Variants in HEATR1 observed in about 807,000 individuals in gnomAD.
HEATR1 encodes HEAT repeat-containing protein 1.
HEATR1 carries 77 observed loss-of-function variants against 248.2 expected under a neutral mutation model. That is an observed-to-expected ratio of 0.31 (90% CI 0.26 to 0.37). The LOEUF (loss-of-function observed/expected upper bound fraction) is 0.37. Among genes scored for constraint, HEATR1 ranks in the 10% least tolerant of loss-of-function variants. The pLI, the probability that HEATR1 is intolerant of heterozygous loss-of-function variation, is 1.00. For missense variants in HEATR1, 2,420 were observed against 2,504.9 expected, an observed-to-expected ratio of 0.97 and a Z score of 0.72; for synonymous variants, 897 against 923.1, an observed-to-expected ratio of 0.97 and a Z score of 0.51.
At chr1:236,553,174 A>C (rs1250143179) in intron 43 of HEATR1, among the ~76,000 whole-genome samples, 1 of 152,190 alleles carries the variant, frequency 6.6e-6, no homozygotes, top group Non-Finnish European at 1.5e-5. Flanking sequence ...ATCTATAAAC[A>C]ACAGAATGTA....
In HEATR1 at chr1:236,599,548, G is replaced by C; in HGVS notation, c.436C>G (p.Arg146Gly). ...LPYHETRIFV[R>G]VIQLLKINNS... ...TTAATTTTTAGAAGCTGTATGACTCGCACAAATATTCTTGTCTCGTGGTAT... is the reference window on the plus strand; with the variant it reads ...TTAATTTTTAGAAGCTGTATGACTCCCACAAATATTCTTGTCTCGTGGTAT... Residue 146 changes from arginine to glycine, a missense_variant, in exon 4 of 45, where the codon CGA becomes GGA. Physicochemically the swap from Arg to Gly is moderately radical, Grantham distance 125 (BLOSUM62 -2). Coordinates refer to ENST00000366582, the MANE Select transcript of HEATR1 (RefSeq NM_018072.6). The C allele has an allele frequency of 6.2e-7, 1 of 1,613,236 alleles. No individual in the cohort carries two copies. The highest frequency in any genetic ancestry group is 8.5e-7 in the Non-Finnish European group (1 of 1,179,452).
chr1:236,561,803 C>T (rs1024374984), intron 32 of HEATR1, among the ~76,000 whole-genome samples: 18 of 152,228 alleles, frequency 1.2e-4, no homozygotes, highest in Non-Finnish European at 2.6e-4. Context: ...ATTTTAACTG[C>T]ATATGATATT....
At chr1:236,567,881 A>G (rs899497636) in intron 29 of HEATR1, among the ~76,000 whole-genome samples, 4 of 152,238 alleles carry the variant, frequency 2.6e-5, no homozygotes, top group Non-Finnish European at 4.4e-5. Flanking sequence ...AGAGCACAGA[A>G]AAGGCCAACA....
rs16833972 is a variant in HEATR1 at position 236,583,211 on chromosome 1, G to C, written c.2242-15C>G. ...GAGGGGATTTCCTGAAATGTTAAAGGAAACAAAAACTAGTACAAACTAAGG... is the reference window on the plus strand; with the variant it reads ...GAGGGGATTTCCTGAAATGTTAAAGCAAACAAAAACTAGTACAAACTAAGG... On this transcript the variant is annotated splice_polypyrimidine_tract_variant and intron_variant, in intron 17 of 44. Transcript: ENST00000366582. 5 of 1,574,142 alleles carry C rather than the reference G, an allele frequency of 3.2e-6. No individual in the cohort carries two copies. The highest frequency in any genetic ancestry group is 4.3e-6 in the Non-Finnish European group (5 of 1,161,854).
intron 29 of HEATR1, among the ~76,000 whole-genome samples, chr1:236,568,359 A>C (rs1331684113): frequency 1.3e-5 from 2 of 152,240 alleles, no homozygotes; most frequent in Non-Finnish European, 2.9e-5. Flanking sequence ...TAAGGTTAAA[A>C]GAAGGTGCTG....
intron 2 of HEATR1, among the ~76,000 whole-genome samples, 155 bp downstream of exon 2, chr1:236,603,799 T>C (rs987122616): frequency 6.6e-6 from 1 of 151,826 alleles, no homozygotes; most frequent in Non-Finnish European, 1.5e-5. Flanking sequence ...CACCTGACTG[T>C]TATGTTCTCT....
intron 43 of HEATR1, chr1:236,552,542 A>G (rs1042310): frequency 0.61 from 94,586 of 154,882 alleles, 29,830 homozygotes; most frequent in Non-Finnish European, 0.69. Context: ...CACCACTATA[A>G]TTGTATGAGG....
chr1:236,583,523 G>A (rs923691546), intron 17 of HEATR1, among the ~76,000 whole-genome samples: 1 of 125,382 alleles, frequency 8.0e-6, no homozygotes, highest in African/African-American at 3.2e-5. Flanking sequence ...GTCTTGCTCT[G>A]TCACCCAGGC....
intron 34 of HEATR1, 142 bp downstream of exon 34, chr1:236,559,572 A>G: frequency 2.9e-6 from 3 of 1,016,980 alleles, no homozygotes; most frequent in Non-Finnish European, 4.2e-6. Flanking sequence ...AGTCATCAAG[A>G]GATTGTTTTC....
In HEATR1 at chr1:236,559,591, AT is replaced by A. The variant is rs1158177429; in HGVS notation, c.4770+122del. 3.3e-5 allele frequency: 40 copies of A among 1,215,278 alleles called. No individual in the cohort carries two copies. In the East Asian group the frequency reaches 9.3e-4, roughly 28 times the overall value. The allele number at this position is 1,215,278 out of a possible 1,614,324, so 75.3% of individuals were successfully genotyped here. ...ATCAAGAGATTGTTTTCTAAGAAAA[AT>A]CTGAGCTTCATTATATTCATAAAAG... On this transcript the variant is annotated intron_variant, in intron 34 of 44. Transcript: ENST00000366582.
chr1:236,590,002 T>C (rs923026963), intron 12 of HEATR1, among the ~76,000 whole-genome samples: 1 of 152,266 alleles, frequency 6.6e-6, no homozygotes, highest in African/African-American at 2.4e-5. Context: ...TGGAAACTAC[T>C]ATTCTATGTG....
At position 236,566,765 on chromosome 1, in the gene HEATR1, G is replaced by A. The variant is rs759055188; in HGVS notation, c.4189C>T (p.Pro1397Ser). 1.6e-4 allele frequency: 256 copies of A among 1,613,960 alleles called. No homozygotes were observed. The highest frequency in any genetic ancestry group is 2.1e-4 in the Non-Finnish European group (243 of 1,179,974). ...LPHVPEHRRL[P>S]ILVQLVDTLG... Reference sequence around the variant, plus strand: ...GTATCAACAAGTTGAACAAGGATGGGCAGGCGCCTGTGCTCCGGGACGTGT... The same window carrying A: ...GTATCAACAAGTTGAACAAGGATGGACAGGCGCCTGTGCTCCGGGACGTGT... Residue 1397 changes from proline to serine, a missense_variant, in exon 30 of 45, where the codon CCC becomes TCC. Physicochemically the swap from Pro to Ser is moderately conservative, Grantham distance 74. Coordinates refer to ENST00000366582, the MANE Select transcript of HEATR1 (RefSeq NM_018072.6).
rs770080121 is a variant in HEATR1 at position 236,576,784 on chromosome 1, A to C, written c.2921T>G (p.Ile974Ser). Residue 974 changes from isoleucine to serine, a missense_variant, in exon 21 of 45, where the codon ATT becomes AGT. Coordinates refer to ENST00000366582, the MANE Select transcript of HEATR1 (RefSeq NM_018072.6). ...CTTCTTTGCTAACGAGCTTACCTGA[A>C]TAACATAGGCAGCATCTGAAGTGAT... ...EEITSDAAYVIQDLATLFEEL... is the reference protein window; with the variant it reads ...EEITSDAAYVSQDLATLFEEL... 5.6e-6 allele frequency: 9 copies of C among 1,609,262 alleles called. No individual in the cohort carries two copies. The highest frequency in any genetic ancestry group is 3.4e-5 in the Admixed American group (2 of 58,962).
In HEATR1 at chr1:236,561,873, C is replaced by T. The variant is rs58495424; in HGVS notation, c.4600-602G>A. On this transcript the variant is annotated intron_variant, in intron 32 of 44. Coordinates refer to ENST00000366582, the MANE Select transcript of HEATR1 (RefSeq NM_018072.6). The stretch of plus-strand genomic sequence containing the variant: ...CTGTTGTTAGATGTTTAGTTTATGT[C>T]CATTTTTTCCCCTTTTACTAATAAT... Among the ~76,000 whole-genome samples, 612 of 152,246 alleles carry T rather than the reference C, an allele frequency of 4.0e-3. 6 individuals carry two copies. The highest frequency in any genetic ancestry group is 0.014 in the African/African-American group (571 of 41,546).
At position 236,559,849 on chromosome 1, in the gene HEATR1, A is replaced by G. The variant is rs1211623968; in HGVS notation, c.4647-12T>C. The G allele has an allele frequency of 6.3e-7, 1 of 1,588,246 alleles. No individual in the cohort carries two copies. The highest frequency in any genetic ancestry group is 1.7e-5 in the Admixed American group (1 of 57,810). ...CGGTCTCCAGCAACCTGAAACACAG[A>G]GGCTCGCTCAGCAAACGGCAGCTGA... On this transcript the variant is annotated splice_polypyrimidine_tract_variant and intron_variant, in intron 33 of 44. Transcript: ENST00000366582.
At chr1:236,598,867 CAT>C (rs944850148) in intron 4 of HEATR1, among the ~76,000 whole-genome samples, 2 of 152,138 alleles carry the variant, frequency 1.3e-5, no homozygotes, top group African/African-American at 4.8e-5. Context: ...TTTCCTCCAC[CAT>C]ATGTTGCAAA....
chr1:236,559,910 C>G, intron 33 of HEATR1, 73 bp from the exon 34 acceptor site: 1 of 1,409,568 alleles, frequency 7.1e-7, no homozygotes, highest in South Asian at 1.5e-5. Flanking sequence ...CTACCTTATG[C>G]TAAATGTTTC....
intron 28 of HEATR1, among the ~76,000 whole-genome samples, chr1:236,569,903 G>C (rs975815108): frequency 6.6e-6 from 1 of 152,202 alleles, no homozygotes; most frequent in African/African-American, 2.4e-5. Context: ...CCGATGAACA[G>C]ATAAACAAAA....
intron 4 of HEATR1, 26 bp downstream of exon 4, chr1:236,599,457 A>C: frequency 6.3e-7 from 1 of 1,594,432 alleles, no homozygotes; most frequent in Non-Finnish European, 8.6e-7. Context: ...TAATGATTAC[A>C]GACATATGTC....
Sources: gnomAD v4.1 joint callset for allele counts (sites outside exome capture counted in the v4.1 genomes callset) on GRCh38, gnomAD v4.1.1 for gene constraint, MANE v1.5 for transcripts, NCBI Gene and HGNC (gene_info 2026-07-23, HGNC 2026-07-21) for gene names.